SCAPER: variants seen among roughly 807,000 people sequenced by gnomAD.
SCAPER encodes S phase cyclin A-associated protein in the endoplasmic reticulum.
Under a neutral mutation model 182.2 loss-of-function variants are expected in SCAPER, and 98 were observed. The ratio of observed to expected loss-of-function variants is 0.54; its 90% CI spans 0.46 to 0.64. SCAPER has a LOEUF of 0.64. Ranked by LOEUF, SCAPER falls within the 30% of genes least tolerant of loss-of-function variation. The pLI is 0.00. For synonymous variants in SCAPER, 605 were observed against 564.6 expected, an observed-to-expected ratio of 1.07 and a Z score of -1.01; for missense variants, 1,432 against 1,690.0, an observed-to-expected ratio of 0.85 and a Z score of 2.68.
chr15:76,637,732 ATATATATATATGTGTGTGTGTG>A (rs1247550467), intron 21 of SCAPER, among the ~76,000 whole-genome samples: 7 of 29,856 alleles, frequency 2.3e-4, no homozygotes, highest in African/African-American at 6.2e-4. Context: ...TTATATATAT[ATATATATATATGTGTGTGTGTG>A]TGTGTGTGTG....
intron 17 of SCAPER, among the ~76,000 whole-genome samples, chr15:76,717,266 G>T (rs761007040): frequency 3.3e-5 from 5 of 151,722 alleles, no homozygotes; most frequent in Non-Finnish European, 7.4e-5. Flanking sequence ...ACTGACACTA[G>T]ACCTGTGTTA....
intron 27 of SCAPER, among the ~76,000 whole-genome samples, chr15:76,385,983 A>G (rs1418550957): frequency 6.6e-6 from 1 of 152,272 alleles, no homozygotes; most frequent in Non-Finnish European, 1.5e-5. Flanking sequence ...TCAAGGTGTC[A>G]CAAGAGCTGT....
intron 14 of SCAPER, among the ~76,000 whole-genome samples, chr15:76,764,410 T>G (rs2062990756): frequency 6.6e-6 from 1 of 152,210 alleles, no homozygotes. Context: ...AGGTGGAGTT[T>G]GGTTGCAGGC....
At chr15:76,818,674 G>A (rs1408128718) in intron 5 of SCAPER, among the ~76,000 whole-genome samples, 1 of 152,238 alleles carries the variant, frequency 6.6e-6, no homozygotes, top group Non-Finnish European at 1.5e-5. Flanking sequence ...CGCAGAAGAT[G>A]GGTGATTTCT....
At chr15:76,868,782 A>C (rs1442404497) in intron 2 of SCAPER, among the ~76,000 whole-genome samples, 1 of 152,218 alleles carries the variant, frequency 6.6e-6, no homozygotes, top group Non-Finnish European at 1.5e-5. Context: ...ATAGAAAAAA[A>C]AATCCTAAAA....
chr15:76,561,078 ACAGT>A (rs929964232), intron 23 of SCAPER, among the ~76,000 whole-genome samples: 33 of 152,244 alleles, frequency 2.2e-4, no homozygotes, highest in African/African-American at 7.7e-4. Context: ...GTGGTTAAAA[ACAGT>A]AAGTATTTAC....
chr15:76,370,300 T>G (rs1439674210), intron 29 of SCAPER, among the ~76,000 whole-genome samples: 1 of 52,178 alleles, frequency 1.9e-5, no homozygotes, highest in East Asian at 4.1e-4. Context: ...AATTTTTTTT[T>G]TTTTTTTTTT....
At chr15:76,395,099 G>A (rs773429922) in intron 27 of SCAPER, among the ~76,000 whole-genome samples, 1 of 151,042 alleles carries the variant, frequency 6.6e-6, no homozygotes, top group Non-Finnish European at 1.5e-5. Context: ...AACATGTGAT[G>A]TTTATCTCTC....
At chr15:76,470,785 A>G (rs144114924) in intron 25 of SCAPER, among the ~76,000 whole-genome samples, 4 of 152,316 alleles carry the variant, frequency 2.6e-5, no homozygotes, top group Non-Finnish European at 5.9e-5. Flanking sequence ...AACATAATCT[A>G]AATATCCATC....
At chr15:76,758,357 T>C (rs921165145) in intron 14 of SCAPER, among the ~76,000 whole-genome samples, 1 of 152,210 alleles carries the variant, frequency 6.6e-6, no homozygotes, top group Non-Finnish European at 1.5e-5. Flanking sequence ...TTCCCCATTG[T>C]ATGTTCTCAG....
At chr15:76,467,333 G>A (rs558419642) in intron 25 of SCAPER, among the ~76,000 whole-genome samples, 1 of 152,188 alleles carries the variant, frequency 6.6e-6, no homozygotes, top group South Asian at 2.1e-4. Context: ...CCCAAGTCAG[G>A]CAAGACAGAT....
rs114403446 is a variant in SCAPER, at chr15:76,542,836, G to A, written c.2838+31322C>T. On this transcript the variant is annotated intron_variant, in intron 23 of 31. Coordinates refer to ENST00000563290, the MANE Select transcript of SCAPER (RefSeq NM_020843.4). Reference sequence around the variant, plus strand: ...TTGTACGGTGCCAAGTATGTTACACGTGCTTGATTAATACAGGCATACCTC... The same window carrying A: ...TTGTACGGTGCCAAGTATGTTACACATGCTTGATTAATACAGGCATACCTC... Among the ~76,000 whole-genome samples the A allele has an allele frequency of 2.6e-3, 397 of 152,098 alleles. 2 individuals are homozygous for A. The highest frequency in any genetic ancestry group is 9.2e-3 in the African/African-American group (381 of 41,494).
chr15:76,660,989 T>C (rs947772272), intron 21 of SCAPER, among the ~76,000 whole-genome samples: 5 of 152,082 alleles, frequency 3.3e-5, no homozygotes, highest in Non-Finnish European at 5.9e-5. Flanking sequence ...GTAACACTTA[T>C]ACACTAAAAA....
At chr15:76,438,062 C>A (rs1049290180) in intron 25 of SCAPER, among the ~76,000 whole-genome samples, 38 of 152,022 alleles carry the variant, frequency 2.5e-4, no homozygotes, top group African/African-American at 8.7e-4. Flanking sequence ...GTGGGTGGAT[C>A]ACGAGATCAG....
intron 8 of SCAPER, among the ~76,000 whole-genome samples, chr15:76,775,934 T>C (rs564077790): frequency 4.6e-4 from 70 of 152,328 alleles, no homozygotes; most frequent in Middle Eastern, 3.4e-3. Context: ...TTGTAAATTT[T>C]TATTGGCTAA....
intron 29 of SCAPER, among the ~76,000 whole-genome samples, chr15:76,364,863 C>A (rs2041702720): frequency 6.6e-6 from 1 of 152,024 alleles, no homozygotes; most frequent in African/African-American, 2.4e-5. Flanking sequence ...TCCCTCCTGA[C>A]CTGGACCCTG....
chr15:76,547,785 T>C (rs554827771), intron 23 of SCAPER, among the ~76,000 whole-genome samples: 19 of 152,148 alleles, frequency 1.2e-4, no homozygotes, highest in Non-Finnish European at 2.8e-4. Flanking sequence ...TGGGCTAATA[T>C]TTTCCAATAA....
rs35039615 is a variant in SCAPER, at chr15:76,405,109, CTTTTTTTTTTTTT to C, written c.3312-443_3312-431del. The stretch of plus-strand genomic sequence containing the variant: ...TCAGACACTCTTGTTACAACTTACA[CTTTTTTTTTTTTT>C]TTTTTTTTTAGAGACAGCGTCTCAC... On this transcript the variant is annotated intron_variant, in intron 26 of 31. Coordinates refer to ENST00000563290, the MANE Select transcript of SCAPER (RefSeq NM_020843.4). 8.9e-5 allele frequency among the ~76,000 whole-genome samples: 10 copies of C among 112,418 alleles called. No individual in the cohort carries two copies. The Admixed American group carries it at 1.0e-3, about 11-fold the overall frequency. 73.8% of individuals were successfully genotyped at this position (112,418 alleles called of 152,430 possible).
At chr15:76,373,124 T>C (rs1005121502) in intron 29 of SCAPER, among the ~76,000 whole-genome samples, 1 of 151,628 alleles carries the variant, frequency 6.6e-6, no homozygotes, top group Non-Finnish European at 1.5e-5. Context: ...CTTGGCTCAC[T>C]GCAACCTCCG....
Sources: gnomAD v4.1 joint callset for allele counts (sites outside exome capture counted in the v4.1 genomes callset) on GRCh38, gnomAD v4.1.1 for gene constraint, MANE v1.5 for transcripts, NCBI Gene and HGNC (gene_info 2026-07-23, HGNC 2026-07-21) for gene names.